DSCAM: variants seen among roughly 807,000 people sequenced by gnomAD.
The protein encoded by DSCAM is DS cell adhesion molecule, also known as cell adhesion molecule DSCAM.
In DSCAM, 47 loss-of-function variants were observed where a neutral mutation model predicts 217.7. The observed-to-expected ratio is 0.22, with a 90% CI of 0.17 to 0.28. The LOEUF is 0.28. Among genes scored for constraint, DSCAM ranks in the 10% least tolerant of loss-of-function variants. The probability of loss-of-function intolerance (pLI) is 1.00; values close to 1 mark genes in which losing one functional copy is unlikely to be tolerated. For synonymous variants in DSCAM, 1,056 were observed against 1,015.3 expected (o/e 1.04, Z -0.76); for missense variants, 2,080 against 2,618.3 (o/e 0.79, Z 4.49).
intron 20 of DSCAM, among the ~76,000 whole-genome samples, chr21:40,096,530 AG>A (rs2089679798): frequency 6.6e-6 from 1 of 152,166 alleles, no homozygotes; most frequent in Non-Finnish European, 1.5e-5. Flanking sequence ...GGCATTAGTG[AG>A]CTATGGAAAA....
At chr21:40,180,858 G>T (rs1342014041) in intron 14 of DSCAM, among the ~76,000 whole-genome samples, 2 of 151,716 alleles carry the variant, frequency 1.3e-5, no homozygotes, top group Admixed American at 6.6e-5. Flanking sequence ...GGTGGACCTG[G>T]GTAGGGTGGG....
intron 1 of DSCAM, among the ~76,000 whole-genome samples, chr21:40,833,454 A>G (rs1384672802): frequency 6.6e-6 from 1 of 152,200 alleles, no homozygotes; most frequent in African/African-American, 2.4e-5. Context: ...CAGGCGAGAG[A>G]AAATGCATTC....
intron 12 of DSCAM, 121 bp from the exon 13 acceptor site, chr21:40,188,108 TCACA>T (rs34374148): frequency 0.025 from 15,558 of 611,226 alleles, 390 homozygotes; most frequent in East Asian, 0.12. Flanking sequence ...ATAGGTACAC[TCACA>T]CACACACACA....
intron 20 of DSCAM, among the ~76,000 whole-genome samples, chr21:40,105,933 C>A: frequency 6.6e-6 from 1 of 152,124 alleles, no homozygotes; most frequent in East Asian, 1.9e-4. Context: ...TTGAACCAAC[C>A]TTGCATCCTG....
At chr21:40,832,375 C>T (rs750832936) in intron 1 of DSCAM, among the ~76,000 whole-genome samples, 3 of 152,178 alleles carry the variant, frequency 2.0e-5, no homozygotes, top group Non-Finnish European at 4.4e-5. Context: ...TCCTTTTACC[C>T]TCATTCTTTT....
rs1986693523 is a variant in DSCAM, at chr21:40,144,843, T to C, written c.3019-112A>G. 1.4e-6 allele frequency: 2 copies of C among 1,457,998 alleles called. No homozygotes were observed. Among genetic ancestry groups the C allele is most frequent in the Non-Finnish European group, 1.9e-6 (2 of 1,077,696 alleles). The allele number at this position is 1,457,998 out of a possible 1,614,324, so 90.3% of individuals were successfully genotyped here. On this transcript the variant is annotated intron_variant, in intron 16 of 32. Coordinates refer to ENST00000400454, the MANE Select transcript of DSCAM (RefSeq NM_001389.5). This position sits in a 1 kb window ranked among gnomAD's most constrained non-coding sequence, Gnocchi z 4.8. The stretch of plus-strand genomic sequence containing the variant: ...AAATAAAGTGGAGTCATCGCCACGA[T>C]GCTGGGGCGGTGGTCCGGTAGCAGC...
At chr21:40,733,807 G>A (rs2091036505) in intron 1 of DSCAM, among the ~76,000 whole-genome samples, 1 of 152,278 alleles carries the variant, frequency 6.6e-6, no homozygotes, top group South Asian at 2.1e-4. Context: ...TTGGGGGAAG[G>A]GCTCCAGGGG....
At chr21:40,529,395 C>T (rs1473636542) in intron 3 of DSCAM, among the ~76,000 whole-genome samples, 1 of 152,188 alleles carries the variant, frequency 6.6e-6, no homozygotes, top group Admixed American at 6.5e-5. Flanking sequence ...TTTACCTTTG[C>T]ACAGGAATCA....
chr21:40,083,111 C>T (rs999348876), intron 24 of DSCAM, among the ~76,000 whole-genome samples: 4 of 152,212 alleles, frequency 2.6e-5, no homozygotes, highest in East Asian at 1.9e-4. Flanking sequence ...CACACTAGAA[C>T]GACCATGCTC....
At chr21:40,418,143 G>A (rs570007798) in intron 3 of DSCAM, among the ~76,000 whole-genome samples, 31 of 152,148 alleles carry the variant, frequency 2.0e-4, no homozygotes, top group African/African-American at 5.1e-4. Context: ...AGTTGTGTTC[G>A]GCAGGAGATT....
chr21:40,799,930 C>G (rs1274550095), intron 1 of DSCAM, among the ~76,000 whole-genome samples: 1 of 152,204 alleles, frequency 6.6e-6, no homozygotes. Flanking sequence ...CCCTCTGAAA[C>G]TCATGTTGAA....
intron 16 of DSCAM, among the ~76,000 whole-genome samples, chr21:40,160,224 A>T (rs887559956): frequency 1.3e-5 from 2 of 152,234 alleles, no homozygotes; most frequent in African/African-American, 4.8e-5. Flanking sequence ...AGAACTAGAG[A>T]AAAGGGTTCA....
chr21:40,634,795 G>GA (rs2089734937), intron 3 of DSCAM, among the ~76,000 whole-genome samples: 1 of 152,154 alleles, frequency 6.6e-6, no homozygotes, highest in Admixed American at 6.5e-5. Flanking sequence ...CGAGAAGAAA[G>GA]GGTGTCTTTG....
At chr21:40,726,041 G>A (rs1236660526) in intron 1 of DSCAM, among the ~76,000 whole-genome samples, 1 of 152,136 alleles carries the variant, frequency 6.6e-6, no homozygotes, top group Non-Finnish European at 1.5e-5. Context: ...CAGAATAACT[G>A]TGAACGATAA....
intron 8 of DSCAM, among the ~76,000 whole-genome samples, chr21:40,312,582 T>C (rs1379813552): frequency 2.0e-5 from 3 of 152,348 alleles, no homozygotes; most frequent in Non-Finnish European, 2.9e-5. Flanking sequence ...TTAATTTTGT[T>C]CAACAAACTT....
rs571328274 is a variant in DSCAM at position 40,411,699 on chromosome 21, G to A, written c.509-42454C>T. 1.2e-4 allele frequency among the ~76,000 whole-genome samples: 19 copies of A among 152,276 alleles called. No homozygotes were observed. In the East Asian group the frequency reaches 3.1e-3, roughly 25 times the overall value. Reference sequence around the variant, plus strand: ...ACAGAAAGACTGAAGAAGTGAAAATGAGAGAAGACACACATTACCAATATA... The same window carrying A: ...ACAGAAAGACTGAAGAAGTGAAAATAAGAGAAGACACACATTACCAATATA... On this transcript the variant is annotated intron_variant, in intron 3 of 32. Transcript: ENST00000400454.
At chr21:40,640,629 G>A (rs751323644) in intron 3 of DSCAM, among the ~76,000 whole-genome samples, 84 of 152,214 alleles carry the variant, frequency 5.5e-4, no homozygotes, top group Non-Finnish European at 1.0e-3. Flanking sequence ...ATTCTGGGAT[G>A]CTGGCGGAGG....
intron 11 of DSCAM, among the ~76,000 whole-genome samples, chr21:40,195,329 C>CTGAAAAGAAAACAGAT (rs536644593): frequency 6.6e-6 from 1 of 151,972 alleles, no homozygotes; most frequent in African/African-American, 2.4e-5. Flanking sequence ...CCTGGTTCTG[C>CTGAAAAGAAAACAGAT]TGAAAAGAAA....
At chr21:40,447,627 A>T (rs573821141) in intron 3 of DSCAM, among the ~76,000 whole-genome samples, 1 of 152,330 alleles carries the variant, frequency 6.6e-6, no homozygotes, top group Non-Finnish European at 1.5e-5. Context: ...TTTTTCTAAT[A>T]AAAAAACACA....
Sources: allele counts gnomAD v4.1 joint callset (sites outside exome capture counted in the v4.1 genomes callset), GRCh38; gene constraint gnomAD v4.1.1; non-coding constraint Gnocchi (gnomAD v3.1); transcripts MANE v1.5; gene names NCBI Gene and HGNC (gene_info 2026-07-23, HGNC 2026-07-21).